The following THSD7A variants were observed in gnomAD, a reference collection of about 807,000 sequenced individuals.
THSD7A encodes the protein thrombospondin type 1 domain containing 7A.
A neutral mutation model predicts 231.3 loss-of-function variants in THSD7A; 96 were observed. The observed-to-expected ratio is 0.41, with a 90% CI of 0.35 to 0.49. The LOEUF is 0.49. THSD7A is among the 20% of genes least tolerant of loss of function. The pLI, the probability that THSD7A is intolerant of heterozygous loss-of-function variation, is 0.05. For synonymous variants in THSD7A, 940 were observed against 743.3 expected (o/e 1.26, Z -4.30); for missense variants, 2,290 against 2,070.2 (o/e 1.11, Z -2.06).
chr7:11,537,614 TGCCATGCTTCCTGTACAGC>T (rs137966566), intron 6 of THSD7A, among the ~76,000 whole-genome samples: 11,084 of 150,592 alleles, frequency 0.074, 613 homozygotes, highest in East Asian at 0.17. Context: ...CACCTAACAG[TGCCATGCTTCCTGTACAGC>T]GCCATGCTTC....
At chr7:11,615,242 C>G (rs1450512354) in intron 2 of THSD7A, among the ~76,000 whole-genome samples, 1 of 152,192 alleles carries the variant, frequency 6.6e-6, no homozygotes, top group Non-Finnish European at 1.5e-5. Flanking sequence ...ATCACCCTGA[C>G]TTGAAGACAA....
At chr7:11,707,923 A>G (rs779126326) in intron 1 of THSD7A, among the ~76,000 whole-genome samples, 28 of 150,706 alleles carry the variant, frequency 1.9e-4, no homozygotes, top group Non-Finnish European at 3.4e-4. Context: ...TTGAATATGC[A>G]TCTCTTATCT....
chr7:11,800,814 T>C (rs1784253537), intron 1 of THSD7A, among the ~76,000 whole-genome samples: 1 of 152,148 alleles, frequency 6.6e-6, no homozygotes, highest in African/African-American at 2.4e-5. Context: ...CTCTACAACA[T>C]AGTACCTATA....
intron 2 of THSD7A, among the ~76,000 whole-genome samples, chr7:11,613,851 T>C (rs918641723): frequency 9.2e-5 from 14 of 152,334 alleles, no homozygotes; most frequent in African/African-American, 3.4e-4. Flanking sequence ...TTGCCTATTA[T>C]GTCTCCCATG....
intron 2 of THSD7A, among the ~76,000 whole-genome samples, chr7:11,601,059 T>A (rs762668116): frequency 3.3e-5 from 5 of 152,224 alleles, no homozygotes; most frequent in African/African-American, 4.8e-5. Context: ...TTTATACTTA[T>A]GAGTTTATCA....
In THSD7A at chr7:11,379,644, A is replaced by T. The variant is rs532626734; in HGVS notation, c.4576T>A (p.Ser1526Thr). 5 of 1,585,526 alleles carry T rather than the reference A, an allele frequency of 3.2e-6. No homozygotes were observed. In the East Asian group the frequency reaches 1.1e-4, roughly 36 times the overall value. Residue 1526 changes from serine to threonine, a missense_variant, in exon 25 of 28, where the codon TCG (serine) becomes ACG (threonine). Coordinates refer to ENST00000423059, the MANE Select transcript of THSD7A (RefSeq NM_015204.3). ...TTTTCACATACCTCGCTACAGTACG[A>T]GTGGGGTTGACTACACGGTGGGTTA... ...SCNPPCSQPH[S>T]YCSETKTCHC... is the part of the protein sequence containing the mutation.
chr7:11,461,983 C>T, intron 10 of THSD7A, 28 bp downstream of exon 10: 1 of 1,608,414 alleles, frequency 6.2e-7, no homozygotes, highest in South Asian at 1.1e-5. Flanking sequence ...TTCAGCTCCT[C>T]CCTCACGATG....
chr7:11,712,119 G>A (rs1293347628), intron 1 of THSD7A, among the ~76,000 whole-genome samples: 2 of 150,902 alleles, frequency 1.3e-5, no homozygotes, highest in African/African-American at 2.4e-5. Flanking sequence ...TTCTGTCTAT[G>A]GTATATGTTT....
chr7:11,596,488 G>A (rs557475527), intron 2 of THSD7A, among the ~76,000 whole-genome samples: 14 of 152,256 alleles, frequency 9.2e-5, no homozygotes, highest in African/African-American at 2.2e-4. Context: ...ACTTAGCAGC[G>A]GACAGAACCC....
intron 1 of THSD7A, among the ~76,000 whole-genome samples, chr7:11,745,748 T>TAGTTG (rs1782278332): frequency 6.6e-6 from 1 of 152,096 alleles, no homozygotes; most frequent in Admixed American, 6.6e-5. Flanking sequence ...AAAGATCAGA[T>TAGTTG]AGTTGTAGAT....
intron 11 of THSD7A, among the ~76,000 whole-genome samples, chr7:11,451,281 T>G (rs988298614): frequency 6.6e-6 from 1 of 151,998 alleles, no homozygotes; most frequent in Admixed American, 6.6e-5. Context: ...TGCATAAACA[T>G]TTTTGAGACA....
At chr7:11,808,664 C>T (rs542390155) in intron 1 of THSD7A, among the ~76,000 whole-genome samples, 10 of 151,744 alleles carry the variant, frequency 6.6e-5, no homozygotes, top group Non-Finnish European at 1.5e-4. Flanking sequence ...ACTGTTATGC[C>T]CGGTTTGGTC....
intron 1 of THSD7A, among the ~76,000 whole-genome samples, chr7:11,655,788 A>G (rs1334510966): frequency 6.6e-6 from 1 of 151,922 alleles, no homozygotes; most frequent in Non-Finnish European, 1.5e-5. Flanking sequence ...GTCATCTCAC[A>G]CACATTCTAT....
At chr7:11,536,487 T>A (rs1279363960) in intron 6 of THSD7A, among the ~76,000 whole-genome samples, 1 of 152,172 alleles carries the variant, frequency 6.6e-6, no homozygotes, top group Non-Finnish European at 1.5e-5. Flanking sequence ...CTGGGACTCA[T>A]CTTCTTTTCT....
intron 1 of THSD7A, among the ~76,000 whole-genome samples, chr7:11,701,662 A>C (rs1412672357): frequency 6.6e-6 from 1 of 151,192 alleles, no homozygotes; most frequent in Non-Finnish European, 1.5e-5. Context: ...CTAATTTATA[A>C]GGTCTAGGAC....
intron 2 of THSD7A, among the ~76,000 whole-genome samples, chr7:11,618,496 A>G (rs1781187567): frequency 6.6e-6 from 1 of 152,122 alleles, no homozygotes; most frequent in Admixed American, 6.5e-5. Context: ...ATGTTTTAAT[A>G]TGATGTAAGA....
At chr7:11,489,459 C>A (rs1416856120) in intron 6 of THSD7A, among the ~76,000 whole-genome samples, 1 of 152,054 alleles carries the variant, frequency 6.6e-6, no homozygotes, top group African/African-American at 2.4e-5. Context: ...CTCCCAGCCT[C>A]TTGCCAGTTT....
chr7:11,421,439 GTC>G (rs150388535), intron 16 of THSD7A, among the ~76,000 whole-genome samples: 11,395 of 152,202 alleles, frequency 0.075, 884 homozygotes, highest in African/African-American at 0.2. Flanking sequence ...CCCGAGCCAT[GTC>G]TCTCCTGTAC....
At chr7:11,747,990 T>G (rs1237905417) in intron 1 of THSD7A, among the ~76,000 whole-genome samples, 1 of 151,850 alleles carries the variant, frequency 6.6e-6, no homozygotes, top group African/African-American at 2.4e-5. Context: ...AAGAGAGCAG[T>G]GAGGAAGAGA....
Sources: gnomAD v4.1 joint callset for allele counts (sites outside exome capture counted in the v4.1 genomes callset) on GRCh38, gnomAD v4.1.1 for gene constraint, MANE v1.5 for transcripts, NCBI Gene and HGNC (gene_info 2026-07-23, HGNC 2026-07-21) for gene names.